Variants in CXXC5 observed in about 807,000 individuals in gnomAD.
The protein encoded by CXXC5 is CXXC-type zinc finger protein 5.
A neutral mutation model predicts 17.6 loss-of-function variants in CXXC5; 2 were observed. That is an observed-to-expected ratio of 0.11 (90% CI 0.05 to 0.36). The LOEUF (loss-of-function observed/expected upper bound fraction) is 0.36, where lower values mean the gene tolerates loss of function less well. Ranked by LOEUF, CXXC5 falls within the 10% of genes least tolerant of loss-of-function variation. The pLI, the probability that CXXC5 is intolerant of heterozygous loss-of-function variation, is 1.00. For synonymous variants in CXXC5, 171 were observed against 193.0 expected (o/e 0.89, Z 0.94); for missense variants, 343 against 458.3 (o/e 0.75, Z 2.30).
chr5:139,657,718 C>A (rs1755564189), intron 1 of CXXC5, among the ~76,000 whole-genome samples: 1 of 152,182 alleles, frequency 6.6e-6, no homozygotes, highest in African/African-American at 2.4e-5. Flanking sequence ...GGCTTGGGAG[C>A]CTTTGTCCTG....
In CXXC5 at chr5:139,682,815, G is replaced by A. The variant is rs563068411; in HGVS notation, c.925-48G>A. 43 of 1,553,046 alleles carry A rather than the reference G, an allele frequency of 2.8e-5. No individual in the cohort carries two copies. The African/African-American group carries it at 3.7e-4, about 13-fold the overall frequency. On this transcript the variant is annotated intron_variant, in intron 2 of 2. Coordinates refer to ENST00000302517, the MANE Select transcript of CXXC5 (RefSeq NM_016463.9). ...GAACGTCTTTGCTCCAGGCCTACCC[G>A]GACCCTGACTGAACTCTCTCCTTGT...
intron 1 of CXXC5, among the ~76,000 whole-genome samples, chr5:139,675,867 G>A (rs1484799553): frequency 4.6e-5 from 7 of 152,148 alleles, no homozygotes; most frequent in African/African-American, 1.2e-4. Flanking sequence ...GATAGGATCC[G>A]TTGGTTAAGG....
At chr5:139,664,703 A>C (rs1756003661) in intron 1 of CXXC5, among the ~76,000 whole-genome samples, 1 of 152,150 alleles carries the variant, frequency 6.6e-6, no homozygotes, top group African/African-American at 2.4e-5. Context: ...CTGGTGTTCC[A>C]GTCCCCCAGG....
Position 139,661,618 on chromosome 5 carries a change from C to A in CXXC5, c.-161+12773C>A, listed in dbSNP as rs889292519. On this transcript the variant is annotated intron_variant, in intron 1 of 2. Coordinates refer to ENST00000302517, the MANE Select transcript of CXXC5 (RefSeq NM_016463.9). The surrounding 1 kb of genome is among the most constrained non-coding windows in gnomAD (Gnocchi z 4.7). The stretch of plus-strand genomic sequence containing the variant: ...GGCCACTCTCACCCCATTGGCCCCA[C>A]ACACTGGGGCCTGATCATTCTCAGG... 6.6e-6 allele frequency among the ~76,000 whole-genome samples: 1 copy of A among 152,242 alleles called. No individual in the cohort carries two copies. Among genetic ancestry groups the A allele is most frequent in the East Asian group, 1.9e-4 (1 of 5,204 alleles).
Position 139,670,118 on chromosome 5 carries a change from T to TGGCCCCTC in CXXC5, c.-160-10245_-160-10238dup, listed in dbSNP as rs1561541529. Among the ~76,000 whole-genome samples, 1 of 152,226 alleles carries TGGCCCCTC rather than the reference T, an allele frequency of 6.6e-6. No homozygotes were observed. Among genetic ancestry groups the TGGCCCCTC allele is most frequent in the African/African-American group, 2.4e-5 (1 of 41,462 alleles). On this transcript the variant is annotated intron_variant, in intron 1 of 2. Transcript: ENST00000302517. The surrounding 1 kb of genome is among the most constrained non-coding windows in gnomAD (Gnocchi z 4.2). ...TCCGGAACCAGCCGGCTCGGCCCCA[T>TGGCCCCTC]GGCCCCTCTCGCCTCATTATTTTTG... is the stretch of plus-strand genomic sequence containing the variant.
intron 1 of CXXC5, among the ~76,000 whole-genome samples, chr5:139,666,429 C>CT (rs1452401605): frequency 6.6e-6 from 1 of 152,222 alleles, no homozygotes; most frequent in East Asian, 1.9e-4. Flanking sequence ...CCACTACCTC[C>CT]TGGACCTCCT....
Position 139,680,621 on chromosome 5 carries a change from G to A in CXXC5, c.98G>A (p.Gly33Glu). The change falls in exon 2 of 3, where the codon GGA becomes GAA. Residue 33 changes from glycine (G) to glutamate (E), a missense_variant. Physicochemically the swap from Gly to Glu is moderately conservative, Grantham distance 98. Transcript: ENST00000302517. ...AGTGGCAGCAGTGGCCCAAAGGCAG[G>A]AGCAGCAGACAAGAGTGCAGTGGTG... ...GGSGSSGPKA[G>E]AADKSAVVAA... 2 of 1,612,196 alleles carry A rather than the reference G, an allele frequency of 1.2e-6. No individual in the cohort carries two copies. The highest frequency in any genetic ancestry group is 1.7e-6 in the Non-Finnish European group (2 of 1,179,744).
chr5:139,652,161 C>CGTGTGTGTGT (rs1485366571), intron 1 of CXXC5, among the ~76,000 whole-genome samples: 13 of 126,466 alleles, frequency 1.0e-4, no homozygotes, highest in African/African-American at 2.2e-4. Context: ...CGCGCGCGCG[C>CGTGTGTGTGT]GCGCGCGCGC....
rs1757365476 is a variant in CXXC5 at position 139,683,344 on chromosome 5, C to T, written c.*437C>T. 6.5e-6 allele frequency: 1 copy of T among 154,334 alleles called. No homozygotes were observed. The highest frequency in any genetic ancestry group is 2.4e-5 in the African/African-American group (1 of 41,480). 9.6% of individuals were successfully genotyped at this position (154,334 alleles called of 1,614,324 possible). A position where few individuals can be genotyped will look rare whatever the true frequency, so the allele number is the denominator to read the frequency against. The stretch of plus-strand genomic sequence containing the variant: ...GTAATTTAGCACAGTTTAACTCCAC[C>T]CTCATTTAAACTTCCTTTGATTCTT... On this transcript the variant is annotated 3_prime_UTR_variant, in exon 3 of 3. Coordinates refer to ENST00000302517, the MANE Select transcript of CXXC5 (RefSeq NM_016463.9).
rs767761186 is a variant in CXXC5 at position 139,668,169 on chromosome 5, T to C, written c.-160-12195T>C. ...CCACTCCCTCCGCCTCCCAGACCTC[T>C]GGGGCCATGAATCATTTATGAGGCA... is the stretch of plus-strand genomic sequence containing the variant. On this transcript the variant is annotated intron_variant, in intron 1 of 2. Transcript: ENST00000302517. The surrounding 1 kb of genome is among the most constrained non-coding windows in gnomAD (Gnocchi z 4.1). Among the ~76,000 whole-genome samples, 1 of 152,166 alleles carries C rather than the reference T, an allele frequency of 6.6e-6. No individual in the cohort carries two copies. The highest frequency in any genetic ancestry group is 2.4e-5 in the African/African-American group (1 of 41,426).
intron 1 of CXXC5, 126 bp from the exon 2 acceptor site, chr5:139,680,238 T>G: frequency 2.0e-6 from 1 of 507,192 alleles, no homozygotes; most frequent in Non-Finnish European, 3.5e-6. Flanking sequence ...ATGGATCTGG[T>G]GCTTAATAAA....
chr5:139,655,433 AC>A (rs1323850787), intron 1 of CXXC5, among the ~76,000 whole-genome samples: 1 of 24,014 alleles, frequency 4.2e-5, no homozygotes, highest in Non-Finnish European at 8.1e-5. Flanking sequence ...TCTGCCTGCC[AC>A]CCCCCGCCGC....
intron 1 of CXXC5, among the ~76,000 whole-genome samples, chr5:139,672,053 C>G (rs1341939251): frequency 3.3e-5 from 5 of 152,156 alleles, no homozygotes; most frequent in Non-Finnish European, 1.5e-5. Flanking sequence ...AGCACAGTGC[C>G]TGGTGGACAG....
intron 1 of CXXC5, among the ~76,000 whole-genome samples, chr5:139,656,886 G>A (rs1042095793): frequency 1.3e-5 from 2 of 152,116 alleles, no homozygotes; most frequent in Non-Finnish European, 2.9e-5. Flanking sequence ...CACCATGCCT[G>A]GCTAATTTTT....
In CXXC5 at chr5:139,658,952, A is replaced by C. The variant is rs940876279; in HGVS notation, c.-161+10107A>C. Among the ~76,000 whole-genome samples the C allele has an allele frequency of 6.6e-6, 1 of 152,246 alleles. No homozygotes were observed. Among genetic ancestry groups the C allele is most frequent in the African/African-American group, 2.4e-5 (1 of 41,472 alleles). Reference sequence around the variant, plus strand: ...TGTTTGGAGTCATCCTAATGCCTCCAGAAGCCTGGGAGGGCTCAATTGACT... The same window carrying C: ...TGTTTGGAGTCATCCTAATGCCTCCCGAAGCCTGGGAGGGCTCAATTGACT... On this transcript the variant is annotated intron_variant, in intron 1 of 2. Coordinates refer to ENST00000302517, the MANE Select transcript of CXXC5 (RefSeq NM_016463.9). This position sits in a 1 kb window ranked among gnomAD's most constrained non-coding sequence, Gnocchi z 4.1.
At chr5:139,674,160 G>A (rs761693404) in intron 1 of CXXC5, among the ~76,000 whole-genome samples, 4 of 152,128 alleles carry the variant, frequency 2.6e-5, no homozygotes, top group South Asian at 2.1e-4. Context: ...CTGGGGCTGC[G>A]TTTCTCCCTG....
chr5:139,681,672 A>G (rs1405025844), intron 2 of CXXC5, among the ~76,000 whole-genome samples: 5 of 152,250 alleles, frequency 3.3e-5, no homozygotes, highest in Admixed American at 6.5e-5. Flanking sequence ...CAAGGCAAGC[A>G]TAAAACTCCA....
In CXXC5 at chr5:139,672,963, G is replaced by A. The variant is rs532756697; in HGVS notation, c.-160-7401G>A. On this transcript the variant is annotated intron_variant, in intron 1 of 2. Coordinates refer to ENST00000302517, the MANE Select transcript of CXXC5 (RefSeq NM_016463.9). ...TGCGCCATCTCTGATTTCTTGACTC[G>A]TGCATCCCTGGACTAGCCTTCCCTG... 1.5e-4 allele frequency among the ~76,000 whole-genome samples: 23 copies of A among 152,224 alleles called. 1 individual carries two copies. Among genetic ancestry groups the A allele is most frequent in the Middle Eastern group, 6.8e-3 (2 of 294 alleles).
intron 1 of CXXC5, among the ~76,000 whole-genome samples, chr5:139,653,416 A>G (rs1003567947): frequency 3.9e-5 from 6 of 152,094 alleles, no homozygotes; most frequent in Non-Finnish European, 5.9e-5. Context: ...GTGAATGTGG[A>G]TATGTGGGGC....
Sources: allele counts gnomAD v4.1 joint callset (sites outside exome capture counted in the v4.1 genomes callset), GRCh38; gene constraint gnomAD v4.1.1; non-coding constraint Gnocchi (gnomAD v3.1); transcripts MANE v1.5; gene names NCBI Gene and HGNC (gene_info 2026-07-23, HGNC 2026-07-21).